Variants in DLC1 observed in about 807,000 individuals in gnomAD.
DLC1 encodes rho GTPase-activating protein 7.
In DLC1, 54 loss-of-function variants were observed where a neutral mutation model predicts 140.3. That is an observed-to-expected ratio of 0.38 (90% confidence interval 0.31 to 0.48). The LOEUF is 0.48. DLC1 is among the 20% of genes least tolerant of loss of function. The pLI is 0.96. For synonymous variants in DLC1, 986 were observed against 728.1 expected (o/e 1.35, Z -5.70); for missense variants, 2,536 against 1,907.0 (o/e 1.33, Z -6.14).
chr8:13,479,802 A>AAAGAAGAAGAAGAAG (rs60625191), intron 2 of DLC1, among the ~76,000 whole-genome samples: 919 of 56,876 alleles, frequency 0.016, 29 homozygotes, highest in Admixed American at 0.038. Flanking sequence ...GAAAGAAAGA[A>AAAGAAGAAGAAGAAG]AAGAAGAAGA....
At chr8:13,601,352 A>G (rs1194275307) in intron 1 of DLC1, among the ~76,000 whole-genome samples, 3 of 151,828 alleles carry the variant, frequency 2.0e-5, no homozygotes, top group African/African-American at 7.2e-5. Flanking sequence ...GTCTGAGAAA[A>G]TTGTGATTTA....
chr8:13,446,127 C>G (rs1326097719), intron 2 of DLC1, among the ~76,000 whole-genome samples: 1 of 152,110 alleles, frequency 6.6e-6, no homozygotes, highest in African/African-American at 2.4e-5. Flanking sequence ...ACAAAGAACT[C>G]TCCCCCCCTC....
chr8:13,575,241 T>C (rs1245822364), intron 1 of DLC1, among the ~76,000 whole-genome samples: 4 of 152,158 alleles, frequency 2.6e-5, no homozygotes, highest in Non-Finnish European at 2.9e-5. Context: ...AGAAAATTTG[T>C]TGTAGTCATC....
chr8:13,396,576 G>A (rs1243428933), intron 3 of DLC1, among the ~76,000 whole-genome samples: 1 of 152,150 alleles, frequency 6.6e-6, no homozygotes, highest in Non-Finnish European at 1.5e-5. Context: ...GATGGTGGGT[G>A]AAGCCAAGGC....
At chr8:13,424,741 T>A (rs905155240) in intron 2 of DLC1, among the ~76,000 whole-genome samples, 1 of 151,922 alleles carries the variant, frequency 6.6e-6, no homozygotes, top group African/African-American at 2.4e-5. Flanking sequence ...CTTGGCTAAT[T>A]TTTTTGTATT....
intron 5 of DLC1, among the ~76,000 whole-genome samples, chr8:13,121,095 A>T (rs776989229): frequency 3.3e-5 from 5 of 152,214 alleles, no homozygotes; most frequent in African/African-American, 9.6e-5. Flanking sequence ...AATTTTTTTT[A>T]AAAATGCAAT....
At chr8:13,103,706 G>A (rs977610971) in intron 7 of DLC1, among the ~76,000 whole-genome samples, 6 of 151,962 alleles carry the variant, frequency 3.9e-5, no homozygotes, top group Non-Finnish European at 7.4e-5. Context: ...GGGCATGGTC[G>A]TGGGTGCCTG....
intron 9 of DLC1, 112 bp downstream of exon 9, chr8:13,099,235 G>C: frequency 6.7e-7 from 1 of 1,484,388 alleles, no homozygotes; most frequent in African/African-American, 1.4e-5. Flanking sequence ...CTTAGGAATG[G>C]ACATGGCTAA....
chr8:13,096,177 A>C (rs1563581941), intron 10 of DLC1: 3 of 152,186 alleles, frequency 2.0e-5, no homozygotes, highest in African/African-American at 7.2e-5. Context: ...CACAGATCCC[A>C]CCATGTGAGG....
At chr8:13,086,564 G>T in intron 16 of DLC1, 101 bp from the exon 17 acceptor site, 1 of 1,363,412 alleles carries the variant, frequency 7.3e-7, no homozygotes, top group Non-Finnish European at 1.0e-6. Flanking sequence ...TGACGGGTCA[G>T]GCTCAGTGGC....
chr8:13,251,309 G>A (rs1829994465), intron 5 of DLC1, among the ~76,000 whole-genome samples: 1 of 152,040 alleles, frequency 6.6e-6, no homozygotes, highest in East Asian at 1.9e-4. Flanking sequence ...AGGCTGATGG[G>A]GCAGGGTGGG....
In DLC1 at chr8:13,156,287, C is replaced by T. The variant is rs74930883; in HGVS notation, c.1349-40630G>A. ...GAATATCATGGCCAAAATGTCATCC[C>T]GTAGGATCCAAGTTACATTCACATA... On this transcript the variant is annotated intron_variant, in intron 5 of 17. Coordinates refer to ENST00000276297, the MANE Select transcript of DLC1 (RefSeq NM_182643.3). Among the ~76,000 whole-genome samples, 109 of 152,206 alleles carry T rather than the reference C, an allele frequency of 7.2e-4. 2 individuals are homozygous for T. The South Asian group carries it at 0.017, about 23-fold the overall frequency.
chr8:13,301,238 C>A (rs1235466963), intron 5 of DLC1, among the ~76,000 whole-genome samples: 1 of 149,260 alleles, frequency 6.7e-6, no homozygotes, highest in Non-Finnish European at 1.5e-5. Context: ...AAAAAAAAAT[C>A]TCTAAAGGGA....
At chr8:13,161,373 T>A (rs113252495) in intron 5 of DLC1, among the ~76,000 whole-genome samples, 13 of 152,260 alleles carry the variant, frequency 8.5e-5, no homozygotes, top group African/African-American at 3.1e-4. Context: ...AATTTCACTC[T>A]GTTGCTCAGG....
At chr8:13,551,992 T>A (rs1380146486) in intron 1 of DLC1, among the ~76,000 whole-genome samples, 1 of 145,238 alleles carries the variant, frequency 6.9e-6, no homozygotes. Context: ...TGTATATATA[T>A]GTGTGTGTGT....
intron 2 of DLC1, among the ~76,000 whole-genome samples, chr8:13,414,122 T>A (rs931640471): frequency 6.6e-6 from 1 of 152,170 alleles, no homozygotes; most frequent in African/African-American, 2.4e-5. Flanking sequence ...CTTAACTGCA[T>A]AACATACTTT....
chr8:13,199,818 C>G (rs1269249899), intron 5 of DLC1, among the ~76,000 whole-genome samples: 2 of 152,090 alleles, frequency 1.3e-5, no homozygotes, highest in African/African-American at 4.8e-5. Context: ...CAGGCTCTGT[C>G]TACTCCACAG....
chr8:13,527,759 C>T (rs760635818), intron 1 of DLC1, among the ~76,000 whole-genome samples: 3 of 152,052 alleles, frequency 2.0e-5, no homozygotes, highest in Non-Finnish European at 4.4e-5. Context: ...AAAATGTTTT[C>T]ACCACTATTT....
chr8:13,458,236 C>G (rs933102502), intron 2 of DLC1, among the ~76,000 whole-genome samples: 1 of 152,108 alleles, frequency 6.6e-6, no homozygotes, highest in Non-Finnish European at 1.5e-5. Context: ...ATGTTTATTA[C>G]CATTAGTTGT....
Sources: gnomAD v4.1 joint callset for allele counts (sites outside exome capture counted in the v4.1 genomes callset) on GRCh38, gnomAD v4.1.1 for gene constraint, MANE v1.5 for transcripts, NCBI Gene and HGNC (gene_info 2026-07-23, HGNC 2026-07-21) for gene names.